Variants in IGSF23 observed in about 807,000 individuals in gnomAD.
The protein encoded by IGSF23 is immunoglobulin superfamily, member 23.
Under a neutral mutation model 17.8 loss-of-function variants are expected in IGSF23, and 14 were observed. The observed-to-expected ratio is 0.79, with a 90% CI of 0.52 to 1.23. The LOEUF (loss-of-function observed/expected upper bound fraction) is 1.23, where lower values mean the gene tolerates loss of function less well. Ranked by LOEUF, IGSF23 falls within the 50% of genes most tolerant of loss-of-function variation. The pLI is 0.00. For synonymous variants in IGSF23, 85 were observed against 92.5 expected (o/e 0.92, Z 0.46); for missense variants, 214 against 241.7 (o/e 0.89, Z 0.76).
At chr19:44,623,635 G>T (rs1972568495) in intron 1 of IGSF23, 72 bp from the exon 2 acceptor site, 1 of 1,369,126 alleles carries the variant, frequency 7.3e-7, no homozygotes, top group South Asian at 1.3e-5. Context: ...TCTCTATGGT[G>T]GGCAGAAGAA....
At chr19:44,625,291 G>A (rs946331885) in intron 2 of IGSF23, among the ~76,000 whole-genome samples, 11 of 152,094 alleles carry the variant, frequency 7.2e-5, no homozygotes, top group African/African-American at 1.9e-4. Flanking sequence ...TAGCACTATC[G>A]AACACTAATG....
chr19:44,616,366 G>C (rs1281106410), intron 1 of IGSF23, among the ~76,000 whole-genome samples: 1 of 152,100 alleles, frequency 6.6e-6, no homozygotes, highest in Non-Finnish European at 1.5e-5. Context: ...GTGATGCCTT[G>C]TAAGAATTGC....
intron 1 of IGSF23, among the ~76,000 whole-genome samples, chr19:44,621,632 A>C (rs926638548): frequency 6.6e-6 from 1 of 152,196 alleles, no homozygotes; most frequent in Admixed American, 6.5e-5. Flanking sequence ...GTCTCAAAAA[A>C]AAAAAGGAAT....
At chr19:44,621,568 A>C (rs1471935913) in intron 1 of IGSF23, among the ~76,000 whole-genome samples, 2 of 152,060 alleles carry the variant, frequency 1.3e-5, no homozygotes, top group Admixed American at 6.6e-5. Context: ...TGGAGGTTGC[A>C]GTAAGCTATG....
At chr19:44,629,586 T>TA (rs1972723303) in intron 3 of IGSF23, among the ~76,000 whole-genome samples, 1 of 150,516 alleles carries the variant, frequency 6.6e-6, no homozygotes, top group Non-Finnish European at 1.5e-5. Flanking sequence ...ATAATGTTTT[T>TA]AAAAAACTTG....
chr19:44,635,361 TC>T, intron 3 of IGSF23, 39 bp from the exon 4 acceptor site: 2 of 1,438,846 alleles, frequency 1.4e-6, no homozygotes, highest in Non-Finnish European at 1.9e-6. Flanking sequence ...TCTCTCTCTC[TC>T]TCTCTCTCTC....
At chr19:44,615,016 G>A (rs1451479280) in intron 1 of IGSF23, among the ~76,000 whole-genome samples, 1 of 152,160 alleles carries the variant, frequency 6.6e-6, no homozygotes, top group Admixed American at 6.5e-5. Flanking sequence ...TGAGTTGGGC[G>A]CGGTGACTCA....
intron 1 of IGSF23, among the ~76,000 whole-genome samples, chr19:44,619,953 T>C (rs1478168397): frequency 6.6e-6 from 1 of 152,200 alleles, no homozygotes; most frequent in Non-Finnish European, 1.5e-5. Flanking sequence ...GTTCAGATTC[T>C]GATGCTCTAA....
intron 3 of IGSF23, among the ~76,000 whole-genome samples, chr19:44,634,254 CTT>C (rs1972835252): frequency 6.6e-6 from 1 of 152,214 alleles, no homozygotes; most frequent in Non-Finnish European, 1.5e-5. Context: ...AGGTTCCCTT[CTT>C]TATCAAACTT....
chr19:44,632,794 T>G (rs1382117391), intron 3 of IGSF23, among the ~76,000 whole-genome samples: 4 of 152,212 alleles, frequency 2.6e-5, no homozygotes, highest in African/African-American at 9.7e-5. Context: ...CTCAAAAAAT[T>G]TAAAGTTAAT....
chr19:44,631,602 CA>C (rs1972768537), intron 3 of IGSF23, among the ~76,000 whole-genome samples: 1 of 152,166 alleles, frequency 6.6e-6, no homozygotes. Context: ...TCAGGGGTCT[CA>C]CAGCCTTCAG....
chr19:44,634,953 A>G (rs1972854134), intron 3 of IGSF23, among the ~76,000 whole-genome samples: 1 of 152,092 alleles, frequency 6.6e-6, no homozygotes, highest in African/African-American at 2.4e-5. Flanking sequence ...CAGCCATGTG[A>G]TGATGATGAT....
intron 1 of IGSF23, among the ~76,000 whole-genome samples, chr19:44,616,338 G>A (rs1972375240): frequency 6.6e-6 from 1 of 152,152 alleles, no homozygotes; most frequent in African/African-American, 2.4e-5. Context: ...CTATAATGAG[G>A]AGCAGACGTT....
At chr19:44,619,668 G>T (rs145122147) in intron 1 of IGSF23, among the ~76,000 whole-genome samples, 1 of 152,156 alleles carries the variant, frequency 6.6e-6, no homozygotes, top group African/African-American at 2.4e-5. Context: ...TTTGACTTGC[G>T]GAAGGGTGCC....
chr19:44,616,590 G>A (rs942240586), intron 1 of IGSF23, among the ~76,000 whole-genome samples: 13 of 151,556 alleles, frequency 8.6e-5, no homozygotes, highest in South Asian at 4.2e-4. Context: ...CCAACTACTC[G>A]GGAGGCTGAG....
intron 1 of IGSF23, among the ~76,000 whole-genome samples, chr19:44,615,705 A>T (rs1261702682): frequency 6.6e-6 from 1 of 151,618 alleles, no homozygotes; most frequent in Non-Finnish European, 1.5e-5. Flanking sequence ...CTCTGTCCCC[A>T]GCTCAGGCAG....
chr19:44,629,549 A>G (rs1218577915), intron 3 of IGSF23, among the ~76,000 whole-genome samples: 2 of 152,084 alleles, frequency 1.3e-5, no homozygotes, highest in Non-Finnish European at 2.9e-5. Flanking sequence ...TTGACAGAGC[A>G]AGACCCTATT....
chr19:44,634,946 C>T (rs13344893), intron 3 of IGSF23, among the ~76,000 whole-genome samples: 39,584 of 151,988 alleles, frequency 0.26, 5,629 homozygotes, highest in East Asian at 0.45. Flanking sequence ...TAAACCTCAG[C>T]CATGTGATGA....
intron 3 of IGSF23, among the ~76,000 whole-genome samples, chr19:44,633,155 C>A (rs1972806433): frequency 6.6e-6 from 1 of 152,200 alleles, no homozygotes; most frequent in Non-Finnish European, 1.5e-5. Flanking sequence ...CACAGTCTTG[C>A]TCAGCTAAGG....
Sources: allele counts gnomAD v4.1 joint callset (sites outside exome capture counted in the v4.1 genomes callset), GRCh38; gene constraint gnomAD v4.1.1; transcripts MANE v1.5; gene names NCBI Gene and HGNC (gene_info 2026-07-23, HGNC 2026-07-21).